The following CERT1 variants were observed in gnomAD, a reference collection of about 807,000 sequenced individuals.
CERT1 encodes ceramide transporter 1, also known as ceramide transfer protein.
In CERT1, 31 loss-of-function variants were observed where a neutral mutation model predicts 87.9. The ratio of observed to expected loss-of-function variants is 0.35; its 90% confidence interval spans 0.27 to 0.48. CERT1 has a LOEUF of 0.48. Ranked by LOEUF, CERT1 falls within the 20% of genes least tolerant of loss-of-function variation. The pLI is 0.99. For missense variants in CERT1, 487 were observed against 758.0 expected (o/e 0.64, Z 4.20); for synonymous variants, 289 against 250.9 (o/e 1.15, Z -1.44).
At chr5:75,396,553 C>A (rs1762261794) in intron 11 of CERT1, among the ~76,000 whole-genome samples, 1 of 151,622 alleles carries the variant, frequency 6.6e-6, no homozygotes, top group African/African-American at 2.4e-5. Flanking sequence ...ATGGTGAAAC[C>A]CCATCTCTAC....
At position 75,406,412 on chromosome 5, in the gene CERT1, A is replaced by G. The variant is rs1252236746; in HGVS notation, c.931-3354T>C. Among the ~76,000 whole-genome samples, 5 of 152,262 alleles carry G rather than the reference A, an allele frequency of 3.3e-5. No homozygotes were observed. In the East Asian group the frequency reaches 5.8e-4, roughly 18 times the overall value. ...GCATTAAAAGTGTTTCATGACATAC[A>G]TTATGATAACTGTCTATTAGCCTTT... On this transcript the variant is annotated intron_variant, in intron 8 of 16. Transcript: ENST00000643780.
rs368569321 is a variant in CERT1 at position 75,506,363 on chromosome 5, C to A, written c.97-247G>T. Among the ~76,000 whole-genome samples the A allele has an allele frequency of 1.6e-4, 24 of 152,232 alleles. No homozygotes were observed. The East Asian group carries it at 2.3e-3, about 15-fold the overall frequency. ...TGTAAGAAATAAAATATAACATTTT[C>A]TTCTAACATTTGAAGAATAAAACGA... On this transcript the variant is annotated intron_variant, in intron 1 of 16. Transcript: ENST00000643780.
chr5:75,504,104 A>G (rs575827862), intron 2 of CERT1, among the ~76,000 whole-genome samples: 72 of 152,128 alleles, frequency 4.7e-4, no homozygotes, highest in Non-Finnish European at 9.0e-4. Flanking sequence ...CAAAGAGTTA[A>G]GCATTGCAAC....
intron 2 of CERT1, among the ~76,000 whole-genome samples, chr5:75,503,793 ACT>A (rs1767494227): frequency 1.3e-5 from 2 of 151,350 alleles, no homozygotes; most frequent in East Asian, 1.9e-4. Context: ...ATAAAGTAAC[ACT>A]GTTTTCTTCC....
chr5:75,441,469 G>A (rs117790671), intron 3 of CERT1, among the ~76,000 whole-genome samples: 8 of 152,166 alleles, frequency 5.3e-5, no homozygotes, highest in African/African-American at 1.9e-4. Flanking sequence ...ACCATTAAGA[G>A]TACAGTTCAG....
At position 75,403,075 on chromosome 5, in the gene CERT1, T is replaced by C; in HGVS notation, c.931-17A>G. 6.4e-7 allele frequency: 1 copy of C among 1,560,584 alleles called. No homozygotes were observed. Among genetic ancestry groups the C allele is most frequent in the East Asian group, 2.2e-5 (1 of 44,558 alleles). On this transcript the variant is annotated splice_polypyrimidine_tract_variant and intron_variant, in intron 8 of 16. Transcript: ENST00000643780. ...AGGGCCTTCCTATTCCAACACACAG[T>C]GGAGAAAAAAGCAGTTTATTTAAAG...
intron 7 of CERT1, among the ~76,000 whole-genome samples, chr5:75,414,607 T>TGGCTAAAA (rs1763066143): frequency 6.6e-6 from 1 of 152,156 alleles, no homozygotes; most frequent in South Asian, 2.1e-4. Context: ...TGGACATGAC[T>TGGCTAAAA]GGCTAACAAT....
chr5:75,437,768 T>TAAAAA (rs201506124), intron 3 of CERT1, among the ~76,000 whole-genome samples: 2 of 110,678 alleles, frequency 1.8e-5, no homozygotes, highest in African/African-American at 6.8e-5. Context: ...TCTGTCTCAT[T>TAAAAA]AAAAAAAAAA....
At chr5:75,428,577 C>T (rs1394810702) in intron 3 of CERT1, among the ~76,000 whole-genome samples, 1 of 151,702 alleles carries the variant, frequency 6.6e-6, no homozygotes, top group Non-Finnish European at 1.5e-5. Context: ...ACTCGGGAGG[C>T]TGAGGCAGGA....
At chr5:75,461,810 CT>C (rs1200741633) in intron 2 of CERT1, among the ~76,000 whole-genome samples, 7 of 139,230 alleles carry the variant, frequency 5.0e-5, no homozygotes, top group Admixed American at 2.2e-4. Context: ...AGTTTTACAT[CT>C]CAACAAAGTG....
chr5:75,414,494 C>T (rs1162836877), intron 7 of CERT1, among the ~76,000 whole-genome samples: 1 of 152,086 alleles, frequency 6.6e-6, no homozygotes, highest in Non-Finnish European at 1.5e-5. Flanking sequence ...AAAGTACACA[C>T]CTGTGAATCT....
At chr5:75,500,511 A>G (rs1286896289) in intron 2 of CERT1, among the ~76,000 whole-genome samples, 1 of 152,164 alleles carries the variant, frequency 6.6e-6, no homozygotes, top group African/African-American at 2.4e-5. Context: ...GATGGAATAT[A>G]TTCTTTTCTA....
At chr5:75,465,574 T>C (rs1416826546) in intron 2 of CERT1, among the ~76,000 whole-genome samples, 2 of 152,192 alleles carry the variant, frequency 1.3e-5, no homozygotes, top group Admixed American at 6.5e-5. Context: ...GCAGTTCATA[T>C]TGCTAAGAAA....
intron 8 of CERT1, among the ~76,000 whole-genome samples, chr5:75,406,176 C>G (rs547920263): frequency 5.2e-4 from 79 of 152,350 alleles, no homozygotes; most frequent in African/African-American, 1.7e-3. Context: ...CAGTCAGTCT[C>G]TTAACCATTC....
chr5:75,468,331 A>G (rs1411566634), intron 2 of CERT1, among the ~76,000 whole-genome samples: 4 of 152,090 alleles, frequency 2.6e-5, no homozygotes, highest in African/African-American at 9.7e-5. Flanking sequence ...ATCTGTGTCA[A>G]CCCTCCCACA....
At chr5:75,492,827 T>C (rs1580850201) in intron 2 of CERT1, among the ~76,000 whole-genome samples, 1 of 152,230 alleles carries the variant, frequency 6.6e-6, no homozygotes, top group African/African-American at 2.4e-5. Context: ...GTCCATTCTT[T>C]ACTTGAGCAA....
At chr5:75,429,941 G>A (rs1230000485) in intron 3 of CERT1, among the ~76,000 whole-genome samples, 1 of 151,262 alleles carries the variant, frequency 6.6e-6, no homozygotes, top group African/African-American at 2.4e-5. Flanking sequence ...ATTCTCTGAA[G>A]GTACAACAGT....
At chr5:75,510,954 C>T (rs773907329) in intron 1 of CERT1, among the ~76,000 whole-genome samples, 158 bp downstream of exon 1, 43 of 152,290 alleles carry the variant, frequency 2.8e-4, no homozygotes, top group Non-Finnish European at 5.6e-4. Flanking sequence ...AGGACAGTGC[C>T]CCTATATCCC....
At chr5:75,444,665 G>T (rs902440248) in intron 3 of CERT1, among the ~76,000 whole-genome samples, 1 of 150,016 alleles carries the variant, frequency 6.7e-6, no homozygotes, top group Non-Finnish European at 1.5e-5. Context: ...TCCTATCTCA[G>T]CCTCCCAAGT....
Sources: allele counts gnomAD v4.1 joint callset (sites outside exome capture counted in the v4.1 genomes callset), GRCh38; gene constraint gnomAD v4.1.1; transcripts MANE v1.5; gene names NCBI Gene and HGNC (gene_info 2026-07-23, HGNC 2026-07-21).